The following LRRC36 variants were observed in gnomAD, a reference collection of about 807,000 sequenced individuals.
LRRC36 encodes the protein leucine-rich repeat-containing protein 36.
LRRC36 carries 62 observed loss-of-function variants against 81.1 expected under a neutral mutation model. The ratio of observed to expected loss-of-function variants is 0.76; its 90% CI spans 0.62 to 0.94. LRRC36 has a LOEUF of 0.94. LRRC36 is among the 40% of genes least tolerant of loss of function. The pLI is 0.00. For missense variants in LRRC36, 761 were observed against 881.7 expected (o/e 0.86, Z 1.73); for synonymous variants, 334 against 348.6 (o/e 0.96, Z 0.47).
intron 2 of LRRC36, among the ~76,000 whole-genome samples, chr16:67,345,153 A>T (rs2038280643): frequency 6.6e-6 from 1 of 152,054 alleles, no homozygotes. Flanking sequence ...CTCTACTAAA[A>T]ATCAAAAAAT....
At chr16:67,329,950 T>G (rs1281961825) in intron 1 of LRRC36, among the ~76,000 whole-genome samples, 1 of 152,154 alleles carries the variant, frequency 6.6e-6, no homozygotes, top group Non-Finnish European at 1.5e-5. Context: ...CCGTATATGG[T>G]CCATATATTG....
At chr16:67,329,888 A>G (rs1215899635) in intron 1 of LRRC36, among the ~76,000 whole-genome samples, 1 of 152,198 alleles carries the variant, frequency 6.6e-6, no homozygotes, top group African/African-American at 2.4e-5. Flanking sequence ...ACTGCACTCC[A>G]GCTTGGGTGG....
At chr16:67,355,578 T>C (rs1337726048) in intron 5 of LRRC36, among the ~76,000 whole-genome samples, 1 of 151,634 alleles carries the variant, frequency 6.6e-6, no homozygotes, top group African/African-American at 2.4e-5. Flanking sequence ...GTTTCACTGT[T>C]TTAGCCGGGA....
At chr16:67,377,759 C>G (rs2039959592) in intron 11 of LRRC36, among the ~76,000 whole-genome samples, 1 of 151,976 alleles carries the variant, frequency 6.6e-6, no homozygotes, top group South Asian at 2.1e-4. Flanking sequence ...CTCAGCCTCC[C>G]AAGTTGCTAG....
intron 1 of LRRC36, among the ~76,000 whole-genome samples, chr16:67,334,513 CG>C (rs2037663234): frequency 6.6e-6 from 1 of 151,742 alleles, no homozygotes; most frequent in Non-Finnish European, 1.5e-5. Context: ...TTAGTAGAGA[CG>C]GGGTTTCACC....
rs984910582 is a variant in LRRC36, at chr16:67,338,080, A to G, written c.71-3877A>G. ...GCCTGGGAAACAAGAATGAAACTCCATCTCAAAAAAAAAAAAATTATTGAG... is the reference window on the plus strand; with the variant it reads ...GCCTGGGAAACAAGAATGAAACTCCGTCTCAAAAAAAAAAAAATTATTGAG... On this transcript the variant is annotated intron_variant, in intron 1 of 13. Transcript: ENST00000329956. 4.1e-5 allele frequency among the ~76,000 whole-genome samples: 6 copies of G among 147,668 alleles called. No individual in the cohort carries two copies. The East Asian group carries it at 1.2e-3, about 29-fold the overall frequency.
At chr16:67,372,357 C>CAAAAA in intron 9 of LRRC36, among the ~76,000 whole-genome samples, 2 of 129,624 alleles carry the variant, frequency 1.5e-5, no homozygotes, top group East Asian at 2.4e-4. Flanking sequence ...ACTCTGTCTC[C>CAAAAA]AAAAAAAAAA....
intron 8 of LRRC36, among the ~76,000 whole-genome samples, chr16:67,369,772 A>T (rs1453139823): frequency 6.6e-6 from 1 of 152,102 alleles, no homozygotes; most frequent in Non-Finnish European, 1.5e-5. Flanking sequence ...AAACCATCAG[A>T]TCTCGTGAGA....
intron 1 of LRRC36, among the ~76,000 whole-genome samples, chr16:67,334,545 G>A (rs186668067): frequency 4.3e-4 from 65 of 151,222 alleles, no homozygotes; most frequent in South Asian, 3.6e-3. Context: ...GGCTGGTCTC[G>A]AACTCCCAAC....
chr16:67,383,579 T>G (rs1343877397), intron 13 of LRRC36, among the ~76,000 whole-genome samples: 1 of 152,224 alleles, frequency 6.6e-6, no homozygotes, highest in Non-Finnish European at 1.5e-5. Flanking sequence ...TTGAAAACAT[T>G]AGGATATATT....
Position 67,326,907 on chromosome 16 carries a change from G to C in LRRC36, c.45G>C (p.Leu15=). ...WELDEEGIRR[L]GALTLEQPEL... ...TGGACGAGGAAGGCATTCGCCGCCTGGGGGCGCTGACGCTGGAGCAGCCGG... is the reference window on the plus strand; with the variant it reads ...TGGACGAGGAAGGCATTCGCCGCCTCGGGGCGCTGACGCTGGAGCAGCCGG... The change falls in exon 1 of 14, where the codon CTG becomes CTC. Residue 15 remains leucine, a synonymous_variant. Coordinates refer to ENST00000329956, the MANE Select transcript of LRRC36 (RefSeq NM_018296.6). The C allele has an allele frequency of 6.7e-7, 1 of 1,482,950 alleles. No homozygotes were observed. The highest frequency in any genetic ancestry group is 2.9e-5 in the Admixed American group (1 of 34,284). 91.9% of individuals were successfully genotyped at this position (1,482,950 alleles called of 1,614,324 possible). A position where few individuals can be genotyped will look rare whatever the true frequency, so the allele number is the denominator to read the frequency against.
rs539109409 is a variant in LRRC36, at chr16:67,332,527, C to A, written c.70+5595C>A. Among the ~76,000 whole-genome samples, 14 of 152,110 alleles carry A rather than the reference C, an allele frequency of 9.2e-5. No homozygotes were observed. In the East Asian group the frequency reaches 2.5e-3, roughly 27 times the overall value. ...CAAGATGGTGCCATTGCACTCCAGC[C>A]TGGGTGACAGAGCGAGACTCCGTCT... On this transcript the variant is annotated intron_variant, in intron 1 of 13. Transcript: ENST00000329956.
At position 67,367,471 on chromosome 16, in the gene LRRC36, G is replaced by A; in HGVS notation, c.1195+14G>A. The stretch of plus-strand genomic sequence containing the variant: ...AGCTTAGTTCAGGTAACAGCTTCCT[G>A]TCAGTTTACAGGTCTTCTTCATAGG... On this transcript the variant is annotated intron_variant, in intron 8 of 13. Coordinates refer to ENST00000329956, the MANE Select transcript of LRRC36 (RefSeq NM_018296.6). The A allele has an allele frequency of 1.3e-6, 2 of 1,599,160 alleles. No individual in the cohort carries two copies. The highest frequency in any genetic ancestry group is 1.7e-6 in the Non-Finnish European group (2 of 1,173,104).
chr16:67,368,808 T>A (rs1295560478), intron 8 of LRRC36, among the ~76,000 whole-genome samples: 1 of 152,168 alleles, frequency 6.6e-6, no homozygotes, highest in Non-Finnish European at 1.5e-5. Context: ...GTGGAGGTGG[T>A]GAGAAGTAGT....
intron 1 of LRRC36, among the ~76,000 whole-genome samples, chr16:67,328,742 A>G (rs1428422793): frequency 6.6e-6 from 1 of 152,084 alleles, no homozygotes; most frequent in African/African-American, 2.4e-5. Context: ...CAGAATAATG[A>G]ACTCTATTAG....
Position 67,342,083 on chromosome 16 carries a change from A to C in LRRC36, c.197A>C (p.Lys66Thr), listed in dbSNP as rs2038113920. The C allele has an allele frequency of 6.2e-7, 1 of 1,600,710 alleles. No individual in the cohort carries two copies. Among genetic ancestry groups the C allele is most frequent in the African/African-American group, 1.3e-5 (1 of 74,550 alleles). Residue 66 changes from lysine to threonine, a missense_variant and splice_region_variant, in exon 2 of 14, where the codon AAG becomes ACG. By Grantham distance (78) the Lys-to-Thr change is moderately conservative (BLOSUM62 -1). Transcript: ENST00000329956. ...DLSRNLITSLKGIQYLCSLQD... is the reference protein window; with the variant it reads ...DLSRNLITSLTGIQYLCSLQD... ...TCAAGGAATTTGATCACTAGCCTTA[A>C]GGTAAGTTATATATTCTATGACCAG...
At chr16:67,344,829 A>G (rs2038266551) in intron 2 of LRRC36, among the ~76,000 whole-genome samples, 1 of 152,228 alleles carries the variant, frequency 6.6e-6, no homozygotes, top group South Asian at 2.1e-4. Flanking sequence ...AATGTTTTGT[A>G]TCTATCTTTG....
chr16:67,333,687 G>C (rs147047038), intron 1 of LRRC36, among the ~76,000 whole-genome samples: 1 of 151,790 alleles, frequency 6.6e-6, no homozygotes, highest in African/African-American at 2.4e-5. Context: ...ACTTAGCATA[G>C]TATTTTCATT....
chr16:67,375,374 A>G lies in LRRC36; in HGVS notation c.1622A>G (p.Asn541Ser). The change falls in exon 10 of 14, where the codon AAT (asparagine) becomes AGT (serine). Residue 541 changes from asparagine to serine, a missense_variant. Physicochemically the swap from Asn to Ser is conservative, Grantham distance 46. Transcript: ENST00000329956. ...QLLELVDKHW[N>S]GSGSLLLNKK... ...CTGGAGCTTGTGGATAAGCACTGGA[A>G]TGGCTCCGGCTCCCTCCTCCTCAAC... 1 of 1,604,948 alleles carries G rather than the reference A, an allele frequency of 6.2e-7. No individual in the cohort carries two copies. Among genetic ancestry groups the G allele is most frequent in the Non-Finnish European group, 8.5e-7 (1 of 1,177,498 alleles).
Sources: allele counts gnomAD v4.1 joint callset (sites outside exome capture counted in the v4.1 genomes callset), GRCh38; gene constraint gnomAD v4.1.1; transcripts MANE v1.5; gene names NCBI Gene and HGNC (gene_info 2026-07-23, HGNC 2026-07-21).